Variants in ATP2C1 observed in about 807,000 individuals in gnomAD.
ATP2C1 encodes ATPase secretory pathway Ca2+ transporting 1.
In ATP2C1, 31 loss-of-function variants were observed where a neutral mutation model predicts 120.5. The ratio of observed to expected loss-of-function variants is 0.26; its 90% CI spans 0.19 to 0.35. The LOEUF (loss-of-function observed/expected upper bound fraction) is 0.35, where lower values mean the gene tolerates loss of function less well. ATP2C1 is among the 10% of genes least tolerant of loss of function. ATP2C1 has a pLI of 1.00. For missense variants in ATP2C1, 731 were observed against 1,107.5 expected (o/e 0.66, Z 4.83); for synonymous variants, 351 against 358.7 (o/e 0.98, Z 0.24).
intron 10 of ATP2C1, 52 bp downstream of exon 10, chr3:130,955,132 A>AC (rs2060524379): frequency 1.7e-6 from 2 of 1,202,896 alleles, no homozygotes. Flanking sequence ...GAAATTCTTC[A>AC]TTGTAAGTAG....
chr3:130,962,492 G>A (rs115992316), intron 12 of ATP2C1, among the ~76,000 whole-genome samples: 4,101 of 151,960 alleles, frequency 0.027, 190 homozygotes, highest in African/African-American at 0.093. Flanking sequence ...TAGATGAGCA[G>A]TTAGTTGCAT....
chr3:130,948,127 C>T (rs2060223593), intron 8 of ATP2C1, among the ~76,000 whole-genome samples: 1 of 152,262 alleles, frequency 6.6e-6, no homozygotes, highest in South Asian at 2.1e-4. Flanking sequence ...TTTATGTTTA[C>T]CTACATAGTT....
Position 130,959,263 on chromosome 3 carries a change from A to G in ATP2C1, c.833-12A>G. On this transcript the variant is annotated splice_polypyrimidine_tract_variant and intron_variant, in intron 11 of 27. Coordinates refer to ENST00000510168, the MANE Select transcript of ATP2C1 (RefSeq NM_001378687.1). ...TGTAAAAGGGAAAAATAACTATTTA[A>G]TTATCTTTCAGGAATCATCATGTTG... is the stretch of plus-strand genomic sequence containing the variant. The G allele has an allele frequency of 6.3e-7, 1 of 1,591,434 alleles. No individual in the cohort carries two copies. Among genetic ancestry groups the G allele is most frequent in the Non-Finnish European group, 8.6e-7 (1 of 1,160,138 alleles).
At chr3:130,913,066 A>G (rs2058512371) in intron 2 of ATP2C1, among the ~76,000 whole-genome samples, 1 of 125,810 alleles carries the variant, frequency 7.9e-6, no homozygotes, top group South Asian at 2.9e-4. Context: ...GACCACATGG[A>G]CACAGGAAGG....
chr3:130,903,558 G>C (rs915859637), intron 2 of ATP2C1, among the ~76,000 whole-genome samples: 1 of 151,868 alleles, frequency 6.6e-6, no homozygotes, highest in African/African-American at 2.4e-5. Context: ...ATTGGTCATG[G>C]TGGGGGAGGT....
At chr3:130,947,893 T>A (rs558680194) in intron 8 of ATP2C1, among the ~76,000 whole-genome samples, 1 of 152,250 alleles carries the variant, frequency 6.6e-6, no homozygotes, top group East Asian at 1.9e-4. Flanking sequence ...ACAATGAACA[T>A]CCTAATCTTA....
intron 18 of ATP2C1, among the ~76,000 whole-genome samples, chr3:130,978,308 C>A (rs1230983497): frequency 6.6e-6 from 1 of 151,978 alleles, no homozygotes; most frequent in East Asian, 1.9e-4. Flanking sequence ...ATCTTTCATA[C>A]CTTCTGCTTG....
chr3:130,869,605 T>G (rs1292658354), intron 1 of ATP2C1, among the ~76,000 whole-genome samples: 23 of 152,116 alleles, frequency 1.5e-4, no homozygotes, highest in Non-Finnish European at 1.0e-4. Flanking sequence ...ACACAAATGA[T>G]AAGAAAGCTA....
chr3:130,939,336 G>A (rs749524699), intron 6 of ATP2C1, among the ~76,000 whole-genome samples: 2 of 151,656 alleles, frequency 1.3e-5, no homozygotes, highest in African/African-American at 4.9e-5. Flanking sequence ...CCTTTTTTCC[G>A]TGTGTCTTTG....
chr3:130,994,190 G>C (rs918561977), intron 22 of ATP2C1, 92 bp downstream of exon 22: 2 of 1,470,770 alleles, frequency 1.4e-6, no homozygotes, highest in Non-Finnish European at 1.9e-6. Flanking sequence ...AAAAGAATTA[G>C]TATTTAAACA....
upstream of ATP2C1, among the ~76,000 whole-genome samples, chr3:130,891,056 G>A (rs142580531): frequency 5.0e-3 from 758 of 152,226 alleles, 8 homozygotes; most frequent in African/African-American, 0.017. Flanking sequence ...CAGCCTCAGC[G>A]ACAGAGACTC....
intron 3 of ATP2C1, among the ~76,000 whole-genome samples, 190 bp downstream of exon 3, chr3:130,930,716 A>G (rs2059414973): frequency 6.6e-6 from 1 of 152,204 alleles, no homozygotes; most frequent in Non-Finnish European, 1.5e-5. Context: ...AGAATTAAAC[A>G]TGACTATATG....
At chr3:130,903,740 C>A (rs2057987360) in intron 2 of ATP2C1, among the ~76,000 whole-genome samples, 2 of 116,470 alleles carry the variant, frequency 1.7e-5, no homozygotes, top group African/African-American at 4.1e-5. Flanking sequence ...TCCTTTCCAT[C>A]TTCTGTATTG....
chr3:130,973,342 G>A (rs1464393420), intron 17 of ATP2C1, among the ~76,000 whole-genome samples: 1 of 152,120 alleles, frequency 6.6e-6, no homozygotes, highest in African/African-American at 2.4e-5. Flanking sequence ...GGGAGAATTC[G>A]AAGAGCTTCT....
intron 4 of ATP2C1, among the ~76,000 whole-genome samples, chr3:130,933,088 A>T (rs181675198): frequency 2.0e-5 from 3 of 152,194 alleles, no homozygotes; most frequent in African/African-American, 7.2e-5. Flanking sequence ...ATAAATTGTA[A>T]TGATTTGACT....
chr3:130,867,552 G>A (rs1372364018), intron 1 of ATP2C1, among the ~76,000 whole-genome samples: 3 of 148,882 alleles, frequency 2.0e-5, no homozygotes, highest in East Asian at 2.0e-4. Context: ...TCGGCCTCCC[G>A]AGGTGCCGGG....
At chr3:130,944,578 TC>T in intron 8 of ATP2C1, among the ~76,000 whole-genome samples, 1 of 152,144 alleles carries the variant, frequency 6.6e-6, no homozygotes, top group Non-Finnish European at 1.5e-5. Flanking sequence ...CCTGATTACT[TC>T]CCAGGGCCCC....
chr3:130,907,288 A>G (rs1341320293), intron 2 of ATP2C1, among the ~76,000 whole-genome samples: 1 of 152,124 alleles, frequency 6.6e-6, no homozygotes, highest in African/African-American at 2.4e-5. Flanking sequence ...TACATCAGAA[A>G]CTTTTAAAAT....
At chr3:130,994,648 C>CATTTATTT (rs199539675) in intron 22 of ATP2C1, among the ~76,000 whole-genome samples, 1 of 151,786 alleles carries the variant, frequency 6.6e-6, no homozygotes, top group Non-Finnish European at 1.5e-5. Flanking sequence ...ATGTGAATCC[C>CATTTATTT]ATTTATTTAT....
Sources: gnomAD v4.1 joint callset for allele counts (sites outside exome capture counted in the v4.1 genomes callset) on GRCh38, gnomAD v4.1.1 for gene constraint, MANE v1.5 for transcripts, NCBI Gene and HGNC (gene_info 2026-07-23, HGNC 2026-07-21) for gene names.